The following FBXL17 variants were observed in gnomAD, a reference collection of about 807,000 sequenced individuals.
The protein encoded by FBXL17 is F-box/LRR-repeat protein 17.
A neutral mutation model predicts 66.2 loss-of-function variants in FBXL17; 22 were observed. The observed-to-expected ratio is 0.33, with a 90% CI of 0.24 to 0.47. FBXL17 has a LOEUF of 0.47. Among genes scored for constraint, FBXL17 ranks in the 20% least tolerant of loss-of-function variants. FBXL17 has a pLI of 1.00. For synonymous variants in FBXL17, 474 were observed against 400.5 expected (o/e 1.18, Z -2.19); for missense variants, 878 against 948.2 (o/e 0.93, Z 0.97).
intron 7 of FBXL17, among the ~76,000 whole-genome samples, chr5:107,983,885 A>T (rs1402766530): frequency 6.6e-6 from 1 of 152,216 alleles, no homozygotes; most frequent in Non-Finnish European, 1.5e-5. Flanking sequence ...ACAGGAGGAC[A>T]CAGTGAGAAC....
At chr5:107,966,311 T>C (rs1752136665) in intron 7 of FBXL17, among the ~76,000 whole-genome samples, 1 of 152,146 alleles carries the variant, frequency 6.6e-6, no homozygotes, top group African/African-American at 2.4e-5. Context: ...AGTACCAGAC[T>C]CTCACCCCTG....
chr5:108,313,570 T>C (rs994227728), intron 4 of FBXL17, among the ~76,000 whole-genome samples: 16 of 151,936 alleles, frequency 1.1e-4, no homozygotes, highest in African/African-American at 3.6e-4. Flanking sequence ...TCAGTAAGAG[T>C]TGGATAGTGG....
Position 107,928,917 on chromosome 5 carries a change from A to AT in FBXL17, c.1823-47739dup, listed in dbSNP as rs375875354. On this transcript the variant is annotated intron_variant, in intron 7 of 8. Coordinates refer to ENST00000542267, the MANE Select transcript of FBXL17 (RefSeq NM_001163315.3). ...GAAAAAGAATTCTTTGCTAAAGCAG[A>AT]TTTTTTTTTTCCAAATATCAACTGA... Among the ~76,000 whole-genome samples the AT allele has an allele frequency of 9.3e-3, 1,406 of 150,908 alleles. 23 individuals are homozygous for AT. Among genetic ancestry groups the AT allele is most frequent in the African/African-American group, 0.033 (1,346 of 41,232 alleles).
intron 7 of FBXL17, among the ~76,000 whole-genome samples, chr5:108,007,570 G>T (rs56768771): frequency 0.015 from 2,337 of 152,054 alleles, 63 homozygotes; most frequent in African/African-American, 0.054. Context: ...CCCACTGCAC[G>T]TAAAAAATGT....
At chr5:108,303,909 C>T (rs1215267160) in intron 4 of FBXL17, among the ~76,000 whole-genome samples, 3 of 151,806 alleles carry the variant, frequency 2.0e-5, no homozygotes, top group Non-Finnish European at 4.4e-5. Flanking sequence ...GATATAACAA[C>T]GTAACAAAAT....
intron 5 of FBXL17, among the ~76,000 whole-genome samples, chr5:108,201,507 T>C (rs985950744): frequency 1.3e-5 from 2 of 152,162 alleles, no homozygotes; most frequent in South Asian, 4.1e-4. Context: ...TGCCTATAAC[T>C]ATTAATGTTT....
Position 108,352,712 on chromosome 5 carries a change from T to C in FBXL17, c.1375-4182A>G, listed in dbSNP as rs534876449. ...TTTTAGTAGACACGGAGTTTCACTA[T>C]GTTGGCCAGGCTGGTCTCGAACTCC... On this transcript the variant is annotated intron_variant, in intron 3 of 8. Transcript: ENST00000542267. 9.8e-4 allele frequency among the ~76,000 whole-genome samples: 150 copies of C among 152,286 alleles called. 1 individual carries two copies. The highest frequency in any genetic ancestry group is 3.3e-3 in the African/African-American group (137 of 41,568).
chr5:108,339,693 T>A (rs1269421901), intron 4 of FBXL17, among the ~76,000 whole-genome samples: 1 of 151,954 alleles, frequency 6.6e-6, no homozygotes, highest in Non-Finnish European at 1.5e-5. Context: ...AAAAGAAGCA[T>A]TCTAAAATTT....
intron 7 of FBXL17, among the ~76,000 whole-genome samples, chr5:107,952,487 G>A (rs1332689501): frequency 6.6e-6 from 1 of 152,154 alleles, no homozygotes; most frequent in Non-Finnish European, 1.5e-5. Flanking sequence ...TTATTAAAGG[G>A]TCAAATCTTA....
intron 8 of FBXL17, among the ~76,000 whole-genome samples, chr5:107,866,435 C>G (rs1163441778): frequency 6.6e-6 from 1 of 152,156 alleles, no homozygotes; most frequent in African/African-American, 2.4e-5. Context: ...TCTATTAGCA[C>G]TTTGTGAAAA....
chr5:108,082,814 A>G (rs1748820280), intron 6 of FBXL17, among the ~76,000 whole-genome samples: 1 of 152,194 alleles, frequency 6.6e-6, no homozygotes, highest in Non-Finnish European at 1.5e-5. Flanking sequence ...CTGTGATCAT[A>G]TGTTTGGCCA....
intron 6 of FBXL17, among the ~76,000 whole-genome samples, chr5:108,106,012 A>C (rs1165137564): frequency 6.6e-6 from 1 of 152,084 alleles, no homozygotes; most frequent in African/African-American, 2.4e-5. Flanking sequence ...TCCTATTTTA[A>C]ATAGGGGGAA....
In FBXL17 at chr5:108,100,199, A is replaced by T. The variant is rs557280834; in HGVS notation, c.1746-79198T>A. ...TTGCATAGCATACAAATTTTTAAAGATTCTAAAGTACCTTAGATCTTTGGA... is the reference window on the plus strand; with the variant it reads ...TTGCATAGCATACAAATTTTTAAAGTTTCTAAAGTACCTTAGATCTTTGGA... On this transcript the variant is annotated intron_variant, in intron 6 of 8. Transcript: ENST00000542267. 2.7e-4 allele frequency among the ~76,000 whole-genome samples: 41 copies of T among 152,302 alleles called. No homozygotes were observed. In the South Asian group the frequency reaches 7.7e-3, roughly 28 times the overall value.
intron 7 of FBXL17, among the ~76,000 whole-genome samples, chr5:107,957,420 T>TG (rs1005435082): frequency 6.7e-6 from 1 of 149,064 alleles, no homozygotes; most frequent in Non-Finnish European, 1.5e-5. Context: ...GGTCTAATTA[T>TG]AAAAAAAAAA....
At chr5:108,061,913 A>G (rs1422473444) in intron 6 of FBXL17, among the ~76,000 whole-genome samples, 1 of 151,720 alleles carries the variant, frequency 6.6e-6, no homozygotes, top group African/African-American at 2.4e-5. Flanking sequence ...CTACTTATGC[A>G]TAAAACACTT....
In FBXL17 at chr5:107,881,194, GC is replaced by G. The variant is rs756583182; in HGVS notation, c.1823-16del. On this transcript the variant is annotated splice_polypyrimidine_tract_variant and intron_variant, in intron 7 of 8. Transcript: ENST00000542267. ...GGCTATCAGTGCTGCAAGAAGGGAC[GC>G]AGAGAAAGCATTAATGTTAGCAGTG... 6.7e-7 allele frequency: 1 copy of G among 1,500,800 alleles called. No individual in the cohort carries two copies. Among genetic ancestry groups the G allele is most frequent in the Non-Finnish European group, 9.2e-7 (1 of 1,089,814 alleles). 93.0% of individuals were successfully genotyped at this position (1,500,800 alleles called of 1,614,324 possible). A position where few individuals can be genotyped will look rare whatever the true frequency, so the allele number is the denominator to read the frequency against.
intron 7 of FBXL17, among the ~76,000 whole-genome samples, chr5:107,906,200 G>C (rs367704466): frequency 3.9e-5 from 6 of 151,918 alleles, no homozygotes; most frequent in Non-Finnish European, 7.4e-5. Context: ...TTTTTAAAAG[G>C]CATGTTCCTT....
At chr5:107,891,337 C>A (rs1313289143) in intron 7 of FBXL17, among the ~76,000 whole-genome samples, 2 of 152,092 alleles carry the variant, frequency 1.3e-5, no homozygotes, top group Non-Finnish European at 2.9e-5. Context: ...TTGGCTTTCA[C>A]TCTAAATAAA....
At chr5:108,282,709 G>T (rs1413779303) in intron 4 of FBXL17, among the ~76,000 whole-genome samples, 3 of 151,478 alleles carry the variant, frequency 2.0e-5, no homozygotes, top group Non-Finnish European at 4.4e-5. Context: ...AACTGGAAAA[G>T]AAGTCAAATT....
Sources: allele counts gnomAD v4.1 joint callset (sites outside exome capture counted in the v4.1 genomes callset), GRCh38; gene constraint gnomAD v4.1.1; transcripts MANE v1.5; gene names NCBI Gene and HGNC (gene_info 2026-07-23, HGNC 2026-07-21).